The following SEMA3D variants were observed in gnomAD, a reference collection of about 807,000 sequenced individuals.
SEMA3D encodes the protein semaphorin-3D.
A neutral mutation model predicts 100.1 loss-of-function variants in SEMA3D; 84 were observed. That is an observed-to-expected ratio of 0.84 (90% CI 0.70 to 1.01). SEMA3D has a LOEUF of 1.01. Ranked by LOEUF, SEMA3D falls within the 50% of genes least tolerant of loss-of-function variation. SEMA3D has a pLI of 0.00. For synonymous variants in SEMA3D, 312 were observed against 320.7 expected, an observed-to-expected ratio of 0.97 and a Z score of 0.29; for missense variants, 875 against 934.1, an observed-to-expected ratio of 0.94 and a Z score of 0.82.
At chr7:85,161,166 G>T (rs1390789449) in intron 1 of SEMA3D, among the ~76,000 whole-genome samples, 1 of 152,116 alleles carries the variant, frequency 6.6e-6, no homozygotes, top group Non-Finnish European at 1.5e-5. Context: ...AAAAATTTTA[G>T]CTTTATCTTC....
chr7:85,204,604 C>T, the SEMA3D span, among the ~76,000 whole-genome samples: 1 of 151,978 alleles, frequency 6.6e-6, no homozygotes, highest in East Asian at 1.9e-4. Context: ...TTACTCCCTT[C>T]CATATTGTTG....
intron 18 of SEMA3D, among the ~76,000 whole-genome samples, chr7:85,003,854 T>C (rs549772633): frequency 2.3e-4 from 35 of 152,222 alleles, no homozygotes; most frequent in African/African-American, 7.9e-4. Flanking sequence ...TTGTGAACCA[T>C]AATTTTGCCT....
At chr7:85,109,573 C>T (rs376248031) in intron 3 of SEMA3D, among the ~76,000 whole-genome samples, 2 of 151,980 alleles carry the variant, frequency 1.3e-5, no homozygotes, top group African/African-American at 2.4e-5. Context: ...AAAGGACTTT[C>T]GTTCTAATTT....
chr7:85,038,797 G>T (rs1790773658), intron 11 of SEMA3D, among the ~76,000 whole-genome samples: 1 of 152,024 alleles, frequency 6.6e-6, no homozygotes, highest in African/African-American at 2.4e-5. Flanking sequence ...CAAAATAGCA[G>T]CTTCCTAGGA....
At position 84,997,285 on chromosome 7, in the gene SEMA3D, G is replaced by C. The variant is rs1789528208; in HGVS notation, c.*2155C>G. The C allele has an allele frequency of 6.6e-6, 1 of 151,966 alleles. No individual in the cohort carries two copies. Among genetic ancestry groups the C allele is most frequent in the East Asian group, 1.9e-4 (1 of 5,200 alleles). 9.4% of individuals were successfully genotyped at this position (151,966 alleles called of 1,614,324 possible). A position where few individuals can be genotyped will look rare whatever the true frequency, so the allele number is the denominator to read the frequency against. Reference sequence around the variant, plus strand: ...AGTCATTCATATTTTGATCATTACTGTCGGACCCACAAATATTTGGAAATT... The same window carrying C: ...AGTCATTCATATTTTGATCATTACTCTCGGACCCACAAATATTTGGAAATT... On this transcript the variant is annotated 3_prime_UTR_variant, in exon 19 of 19. Coordinates refer to ENST00000284136, the MANE Select transcript of SEMA3D (RefSeq NM_001384900.1).
At chr7:85,245,435 C>G in the SEMA3D span, among the ~76,000 whole-genome samples, 1 of 152,182 alleles carries the variant, frequency 6.6e-6, no homozygotes, top group Non-Finnish European at 1.5e-5. Flanking sequence ...AGAACTAGCA[C>G]TATGAAAACA....
chr7:85,113,552 C>G (rs1002486845), intron 3 of SEMA3D, among the ~76,000 whole-genome samples: 14 of 151,040 alleles, frequency 9.3e-5, no homozygotes, highest in African/African-American at 3.2e-4. Flanking sequence ...GTGGGCAGAT[C>G]ACGAGATCAA....
chr7:85,169,797 A>T (rs988544846), intron 1 of SEMA3D, among the ~76,000 whole-genome samples: 5 of 151,762 alleles, frequency 3.3e-5, no homozygotes, highest in African/African-American at 1.2e-4. Flanking sequence ...GATACAAAAC[A>T]ACTATTGATC....
At chr7:85,166,079 A>AT (rs1790896658) in intron 1 of SEMA3D, among the ~76,000 whole-genome samples, 1 of 152,040 alleles carries the variant, frequency 6.6e-6, no homozygotes, top group Admixed American at 6.6e-5. Flanking sequence ...AGGTTTAATA[A>AT]TCATGAGAAT....
In SEMA3D at chr7:85,078,881, G is replaced by A. The variant is rs558570506; in HGVS notation, c.375+2636C>T. ...AGAAGGAGAAAGGGTAATGCCAAAC[G>A]TAATAAAAGATGTCAATAAAACCAC... is the stretch of plus-strand genomic sequence containing the variant. On this transcript the variant is annotated intron_variant, in intron 5 of 18. Transcript: ENST00000284136. Among the ~76,000 whole-genome samples the A allele has an allele frequency of 6.6e-5, 10 of 152,222 alleles. No individual in the cohort carries two copies. The South Asian group carries it at 1.5e-3, about 22-fold the overall frequency.
At chr7:85,216,107 A>G in the SEMA3D span, among the ~76,000 whole-genome samples, 2 of 152,100 alleles carry the variant, frequency 1.3e-5, no homozygotes, top group Non-Finnish European at 2.9e-5. Flanking sequence ...GAGATGTCTT[A>G]AAATTACTGT....
chr7:85,181,729 C>G (rs1562847596), intron 1 of SEMA3D: 1 of 944,860 alleles, frequency 1.1e-6, no homozygotes, highest in Non-Finnish European at 1.3e-6. Context: ...ATCTTTGTAG[C>G]TTATTGAGCT....
At chr7:85,069,245 CAG>C (rs1479442144) in intron 6 of SEMA3D, among the ~76,000 whole-genome samples, 1 of 152,084 alleles carries the variant, frequency 6.6e-6, no homozygotes, top group Non-Finnish European at 1.5e-5. Context: ...GCAAAAGGGA[CAG>C]AGAAAATTAT....
intron 9 of SEMA3D, among the ~76,000 whole-genome samples, chr7:85,053,847 T>G (rs182982160): frequency 2.5e-4 from 38 of 152,120 alleles, no homozygotes; most frequent in African/African-American, 8.4e-4. Flanking sequence ...TATTCTTTTT[T>G]GATCTCACAA....
chr7:85,199,979 C>T, the SEMA3D span, among the ~76,000 whole-genome samples: 2 of 152,146 alleles, frequency 1.3e-5, no homozygotes, highest in African/African-American at 2.4e-5. Context: ...CTCTTTTTCT[C>T]CACTGCCATC....
chr7:85,111,193 T>G (rs1789083253), intron 3 of SEMA3D, among the ~76,000 whole-genome samples: 2 of 152,054 alleles, frequency 1.3e-5, no homozygotes, highest in South Asian at 4.1e-4. Context: ...GCTTCATCCC[T>G]TAATTATTTC....
intron 2 of SEMA3D, among the ~76,000 whole-genome samples, chr7:85,129,768 C>T (rs1789671506): frequency 6.6e-6 from 1 of 151,990 alleles, no homozygotes; most frequent in Non-Finnish European, 1.5e-5. Flanking sequence ...CATAAAAATC[C>T]TAACCTTTTA....
At chr7:85,034,630 A>AAAAC (rs796313705) in intron 12 of SEMA3D, among the ~76,000 whole-genome samples, 27 of 152,146 alleles carry the variant, frequency 1.8e-4, no homozygotes, top group African/African-American at 6.3e-4. Flanking sequence ...AAAACAAAAC[A>AAAAC]AAACAAAATT....
chr7:85,159,930 A>G (rs1790698932), intron 1 of SEMA3D: 1 of 984,840 alleles, frequency 1.0e-6, no homozygotes. Flanking sequence ...AGAATGACCA[A>G]CTAGTGTTCA....
Sources: allele counts gnomAD v4.1 joint callset (sites outside exome capture counted in the v4.1 genomes callset), GRCh38; gene constraint gnomAD v4.1.1; transcripts MANE v1.5; gene names NCBI Gene and HGNC (gene_info 2026-07-23, HGNC 2026-07-21).